The following ADGRG4 variants were observed in gnomAD, a reference collection of about 807,000 sequenced individuals.
ADGRG4 encodes adhesion G protein-coupled receptor G4.
In ADGRG4, 122 loss-of-function variants were observed where a neutral mutation model predicts 126.2. That is an observed-to-expected ratio of 0.97 (90% CI 0.83 to 1.12). The LOEUF is 1.12. Among genes scored for constraint, ADGRG4 ranks in the 50% most tolerant of loss-of-function variants. ADGRG4 has a pLI of 0.00. For synonymous variants in ADGRG4, 943 were observed against 838.7 expected (o/e 1.12, Z -2.15); for missense variants, 2,481 against 2,251.8 (o/e 1.10, Z -2.06).
chrX:136,336,505 C>A (rs957722575), intron 5 of ADGRG4, among the ~76,000 whole-genome samples: 1 of 111,445 alleles, frequency 9.0e-6, no homozygotes, highest in African/African-American at 3.3e-5. Context: ...AGTTTTGCTT[C>A]ATGTATTTTG....
chrX:136,373,735 T>C (rs1280040167), intron 15 of ADGRG4, among the ~76,000 whole-genome samples: 1 of 110,677 alleles, frequency 9.0e-6, no homozygotes, highest in Non-Finnish European at 1.9e-5. Flanking sequence ...GAGGTCAAGG[T>C]GGGAGGATCA....
At chrX:136,371,604 C>G in intron 14 of ADGRG4, 60 bp downstream of exon 14, 1 of 640,346 alleles carries the variant, frequency 1.6e-6, no homozygotes, top group East Asian at 3.5e-5. Flanking sequence ...TGCAGACGGC[C>G]CTCTGTATCT....
chrX:136,358,472 C>T (rs1055707792), intron 10 of ADGRG4, among the ~76,000 whole-genome samples: 1 of 112,018 alleles, frequency 8.9e-6, no homozygotes, highest in Non-Finnish European at 1.9e-5. Context: ...TTCAAAAAGC[C>T]GTGTCTACAA....
At chrX:136,383,874 CTT>C (rs2075278393) in intron 15 of ADGRG4, among the ~76,000 whole-genome samples, 3 of 37,367 alleles carry the variant, frequency 8.0e-5, no homozygotes, top group African/African-American at 3.1e-4. Flanking sequence ...TTCTTTCTTT[CTT>C]CTTTCTTCCT....
Position 136,346,758 on chromosome X carries a change from C to A in ADGRG4, c.3052C>A (p.Pro1018Thr), listed in dbSNP as rs2148466432. The change falls in exon 6 of 26, where the codon CCA becomes ACA. Residue 1018 changes from proline to threonine, a missense_variant. Transcript: ENST00000394143. Reference sequence around the variant, plus strand: ...GCCTGTTACTCATATGTTCTCATTGCCAGTTAATGGCAGTTCTGTGGTGGC... The same window carrying A: ...GCCTGTTACTCATATGTTCTCATTGACAGTTAATGGCAGTTCTGTGGTGGC... Reference protein sequence around the residue: ...PVPVTHMFSLPVNGSSVVAEE... With the variant: ...PVPVTHMFSLTVNGSSVVAEE... 3 of 1,209,084 alleles carry A rather than the reference C, an allele frequency of 2.5e-6. No individual in the cohort carries two copies. In the South Asian group the frequency reaches 5.3e-5, roughly 21 times the overall value.
chrX:136,303,484 A>AC lies in ADGRG4; in HGVS notation c.-253-649_-253-648insC, dbSNP rs752170714. Among the ~76,000 whole-genome samples the AC allele has an allele frequency of 2.0e-3, 228 of 111,733 alleles. 1 individual carries two copies. Among genetic ancestry groups the AC allele is most frequent in the African/African-American group, 6.9e-3 (211 of 30,770 alleles). On this transcript the variant is annotated intron_variant, in intron 1 of 25. Transcript: ENST00000394143. Reference sequence around the variant, plus strand: ...GACAGACAGACAGACAGACAGACAGAAAGAAAGAAAGGAGGGAGGGAGGCA... The same window carrying AC: ...GACAGACAGACAGACAGACAGACAGACAAGAAAGAAAGGAGGGAGGGAGGCA...
chrX:136,408,065 G>T (rs2075425385), intron 23 of ADGRG4, among the ~76,000 whole-genome samples: 1 of 111,935 alleles, frequency 8.9e-6, no homozygotes, highest in African/African-American at 3.2e-5. Context: ...AGGGGTTAAA[G>T]GAAAGCTGGC....
Position 136,308,850 on chromosome X carries a change from A to G in ADGRG4, c.70+3A>G. ...GTCGAGTTTTATCTTTCTCTCAGGT[A>G]AGAAAATGTATTCTTATTATCTCTT... On this transcript the variant is annotated splice_donor_region_variant and intron_variant, in intron 4 of 25. Transcript: ENST00000394143. 9.6e-7 allele frequency: 1 copy of G among 1,042,348 alleles called. No individual in the cohort carries two copies. The highest frequency in any genetic ancestry group is 1.3e-6 in the Non-Finnish European group (1 of 742,464). The allele number at this position is 1,042,348 out of a possible 1,213,427, so 85.9% of individuals were successfully genotyped here.
intron 3 of ADGRG4, among the ~76,000 whole-genome samples, chrX:136,307,974 G>A (rs1047775703): frequency 8.0e-5 from 9 of 112,851 alleles, no homozygotes; most frequent in Non-Finnish European, 1.7e-4. Flanking sequence ...AAATACAAAT[G>A]ATTTGATGAG....
intron 13 of ADGRG4, among the ~76,000 whole-genome samples, chrX:136,364,949 T>C (rs1603297053): frequency 8.9e-6 from 1 of 112,065 alleles, no homozygotes; most frequent in East Asian, 2.8e-4. Context: ...ATACTTTTGA[T>C]GGTGTCAAAA....
intron 5 of ADGRG4, among the ~76,000 whole-genome samples, chrX:136,330,614 T>C (rs897178647): frequency 8.9e-6 from 1 of 111,744 alleles, no homozygotes; most frequent in Admixed American, 9.5e-5. Flanking sequence ...TTTGTGAACA[T>C]AAGTTTTTAT....
rs148045321 is a variant in ADGRG4 at position 136,351,531 on chromosome X, C to T, written c.6812C>T (p.Thr2271Met). ...ATTACCAGTGTTATAAATGAATTTA[C>T]GGAAAATTCGGTAAAATAATCTTTT... ...IPITSVINEFTENSLNSIFQN... is the reference protein window; with the variant it reads ...IPITSVINEFMENSLNSIFQN... Residue 2271 changes from threonine (T) to methionine (M), a missense_variant, in exon 7 of 26, where the codon ACG (threonine) becomes ATG (methionine). Transcript: ENST00000394143. 6.1e-5 allele frequency: 64 copies of T among 1,056,625 alleles called. No homozygotes were observed. The highest frequency in any genetic ancestry group is 2.6e-4 in the African/African-American group (14 of 53,000). The allele number at this position is 1,056,625 out of a possible 1,213,427, so 87.1% of individuals were successfully genotyped here.
At chrX:136,364,404 CT>C (rs2075146459) in intron 13 of ADGRG4, among the ~76,000 whole-genome samples, 1 of 111,627 alleles carries the variant, frequency 9.0e-6, no homozygotes, top group Non-Finnish European at 1.9e-5. Flanking sequence ...CTTTACGTTG[CT>C]TTTTTCTCTT....
At chrX:136,397,491 C>CTTTTTTTTTTTTTTTTT (rs1184936316) in intron 19 of ADGRG4, among the ~76,000 whole-genome samples, 3 of 50,568 alleles carry the variant, frequency 5.9e-5, no homozygotes, top group African/African-American at 7.4e-5. Context: ...AGGAAAAGGA[C>CTTTTTTTTTTTTTTTTT]TTTTTTTTTT....
chrX:136,381,582 A>G (rs2075264191), intron 15 of ADGRG4, among the ~76,000 whole-genome samples: 1 of 111,598 alleles, frequency 9.0e-6, no homozygotes, highest in Admixed American at 9.6e-5. Context: ...GTCACAGAAT[A>G]TACTTAGTAT....
At chrX:136,402,570 C>T (rs878954903) in intron 21 of ADGRG4, among the ~76,000 whole-genome samples, 1 of 111,432 alleles carries the variant, frequency 9.0e-6, no homozygotes, top group African/African-American at 3.3e-5. Flanking sequence ...TAGGTGCATG[C>T]GCTTAGTCTA....
At position 136,390,112 on chromosome X, in the gene ADGRG4, G is replaced by T. The variant is rs751541450; in HGVS notation, c.7912-2120G>T. 8.1e-5 allele frequency among the ~76,000 whole-genome samples: 9 copies of T among 111,594 alleles called. No individual in the cohort carries two copies. In the East Asian group the frequency reaches 1.4e-3, roughly 17 times the overall value. On this transcript the variant is annotated intron_variant, in intron 16 of 25. Coordinates refer to ENST00000394143, the MANE Select transcript of ADGRG4 (RefSeq NM_153834.4). ...GCCACCCAGGCTGGAGTGTAGTGGT[G>T]CAATCACAGCTCACTGCAACCTCTA... is the stretch of plus-strand genomic sequence containing the variant.
chrX:136,313,982 A>G (rs2074790065), intron 4 of ADGRG4, among the ~76,000 whole-genome samples: 1 of 111,424 alleles, frequency 9.0e-6, no homozygotes, highest in Non-Finnish European at 1.9e-5. Flanking sequence ...CTTAGGGGCT[A>G]TCTTTCATTC....
intron 5 of ADGRG4, among the ~76,000 whole-genome samples, chrX:136,326,433 A>G (rs1302693221): frequency 8.9e-6 from 1 of 112,403 alleles, no homozygotes; most frequent in African/African-American, 3.2e-5. Flanking sequence ...CACCAATCAA[A>G]TAAGTAGTGT....
Sources: gnomAD v4.1 joint callset for allele counts (sites outside exome capture counted in the v4.1 genomes callset) on GRCh38, gnomAD v4.1.1 for gene constraint, MANE v1.5 for transcripts, NCBI Gene and HGNC (gene_info 2026-07-23, HGNC 2026-07-21) for gene names.